COL6A3: variants seen among roughly 807,000 people sequenced by gnomAD.
The protein encoded by COL6A3 is collagen type VI alpha 3 chain.
In COL6A3, 137 loss-of-function variants were observed where a neutral mutation model predicts 274.1. The observed-to-expected ratio is 0.50, with a 90% CI of 0.44 to 0.58. The LOEUF is 0.58. COL6A3 is among the 20% of genes least tolerant of loss of function. The probability of loss-of-function intolerance (pLI) is 0.00; values close to 1 mark genes in which losing one functional copy is unlikely to be tolerated. For missense variants in COL6A3, 3,950 were observed against 4,124.9 expected (o/e 0.96, Z 1.16); for synonymous variants, 1,650 against 1,650.6 (o/e 1.00, Z 0.01).
intron 20 of COL6A3, among the ~76,000 whole-genome samples, 164 bp downstream of exon 20, chr2:237,358,871 G>A (rs1436533121): frequency 6.6e-6 from 1 of 152,210 alleles, no homozygotes; most frequent in Non-Finnish European, 1.5e-5. Flanking sequence ...GTACTGTAAT[G>A]TGTCAGAGCT....
intron 38 of COL6A3, among the ~76,000 whole-genome samples, chr2:237,339,343 G>A (rs981005679): frequency 6.6e-6 from 1 of 152,178 alleles, no homozygotes; most frequent in Non-Finnish European, 1.5e-5. Context: ...GGCAATATTT[G>A]GGTGATTAAG....
chr2:237,349,028 A>G (rs2077152755), intron 28 of COL6A3, among the ~76,000 whole-genome samples: 1 of 152,140 alleles, frequency 6.6e-6, no homozygotes, highest in African/African-American at 2.4e-5. Context: ...ATGCATCCGT[A>G]AGTCTTTGAT....
intron 1 of COL6A3, among the ~76,000 whole-genome samples, chr2:237,411,679 G>C (rs373723899): frequency 1.1e-4 from 17 of 152,232 alleles, no homozygotes; most frequent in African/African-American, 4.1e-4. Context: ...TGATGATAAA[G>C]TCAGTGCAAT....
At chr2:237,410,725 G>A (rs1000527515) in intron 1 of COL6A3, among the ~76,000 whole-genome samples, 14 of 152,162 alleles carry the variant, frequency 9.2e-5, no homozygotes, top group African/African-American at 3.4e-4. Flanking sequence ...CAGGACCTGT[G>A]GAATACTCCC....
chr2:237,363,644 T>G (rs891405195), intron 13 of COL6A3, among the ~76,000 whole-genome samples: 1 of 152,248 alleles, frequency 6.6e-6, no homozygotes, highest in African/African-American at 2.4e-5. Context: ...GTGGCATCCA[T>G]GAAGTGTATT....
At chr2:237,333,261 A>G in intron 42 of COL6A3, 189 bp downstream of exon 42, 1 of 644,150 alleles carries the variant, frequency 1.6e-6, no homozygotes, top group African/African-American at 1.8e-5. Flanking sequence ...GATCACAGGT[A>G]AAGTAAGACT....
intron 42 of COL6A3, among the ~76,000 whole-genome samples, chr2:237,330,778 C>T (rs1265990952): frequency 6.6e-6 from 1 of 152,174 alleles, no homozygotes; most frequent in Non-Finnish European, 1.5e-5. Flanking sequence ...TCAAAATGGG[C>T]AAACATTAAC....
chr2:237,354,088 T>C (rs1453207687), intron 24 of COL6A3, among the ~76,000 whole-genome samples: 1 of 151,608 alleles, frequency 6.6e-6, no homozygotes, highest in Non-Finnish European at 1.5e-5. Context: ...CTTGGCTCAC[T>C]GCAACCTCTG....
chr2:237,376,093 T>C (rs1390650932), intron 7 of COL6A3, among the ~76,000 whole-genome samples: 3 of 152,138 alleles, frequency 2.0e-5, no homozygotes, highest in Non-Finnish European at 2.9e-5. Flanking sequence ...AGTGGGTTAA[T>C]GGGAGGAAAC....
Position 237,324,575 on chromosome 2 carries a change from C to T in COL6A3, c.*199G>A. ...AGTATTCGAGAGAACTGCCTGGAGACAGAGAGCGAGGGTCCACAGACACAT... is the reference window on the plus strand; with the variant it reads ...AGTATTCGAGAGAACTGCCTGGAGATAGAGAGCGAGGGTCCACAGACACAT... On this transcript the variant is annotated 3_prime_UTR_variant, in exon 44 of 44. Coordinates refer to ENST00000295550, the MANE Select transcript of COL6A3 (RefSeq NM_004369.4). The T allele has an allele frequency of 1.7e-6, 1 of 591,828 alleles. No individual in the cohort carries two copies. Among genetic ancestry groups the T allele is most frequent in the Non-Finnish European group, 3.1e-6 (1 of 325,182 alleles). The allele number at this position is 591,828 out of a possible 1,614,324, so 36.7% of individuals were successfully genotyped here. A position where few individuals can be genotyped will look rare whatever the true frequency, so the allele number is the denominator to read the frequency against.
chr2:237,330,193 A>G (rs1468519635), intron 42 of COL6A3: 3 of 152,220 alleles, frequency 2.0e-5, no homozygotes, highest in African/African-American at 2.4e-5. Flanking sequence ...GAAAATATCT[A>G]TCCAAAGCTT....
chr2:237,352,558 T>G lies in COL6A3; in HGVS notation c.6717A>C (p.Pro2239=). The change falls in exon 26 of 44, where the codon CCA becomes CCC. Residue 2239 remains proline, a synonymous_variant. Transcript: ENST00000295550. ...AQGPAGPAGP[P]GLIGEQGISG... is the part of the protein sequence containing the mutation. ...AAATGCCTTGTTCTCCTATCAGCCC[T>G]GGAGGACCAGCAGGACCAGCTGGGC... 6.2e-7 allele frequency: 1 copy of G among 1,613,574 alleles called. No individual in the cohort carries two copies. The highest frequency in any genetic ancestry group is 1.1e-5 in the South Asian group (1 of 90,832).
At position 237,361,008 on chromosome 2, in the gene COL6A3, C is replaced by A; in HGVS notation, c.6210+113G>T. ...AGAAAAGTATAAATTAATTTTTCTC[C>A]CAAAGGGAAAGCCATCAGCAACTGA... On this transcript the variant is annotated intron_variant, in intron 16 of 43. Transcript: ENST00000295550. The surrounding 1 kb of genome is among the most constrained non-coding windows in gnomAD (Gnocchi z 5.1). 2 of 911,180 alleles carry A rather than the reference C, an allele frequency of 2.2e-6. No homozygotes were observed. 56.4% of individuals were successfully genotyped at this position (911,180 alleles called of 1,614,324 possible).
chr2:237,389,199 G>A (rs1410964370), intron 3 of COL6A3, among the ~76,000 whole-genome samples: 2 of 152,166 alleles, frequency 1.3e-5, no homozygotes, highest in Non-Finnish European at 1.5e-5. Context: ...GGGTTATATA[G>A]CAGCCCTGAG....
In COL6A3 at chr2:237,325,723, A is replaced by G; in HGVS notation, c.9330T>C (p.Asp3110=). ...CTTCGTCTTTCGGCAACTTGCATAT[A>G]TCTTTAATAAAAACATGAGAAAAGG... is the stretch of plus-strand genomic sequence containing the variant. ...STEPLALTET[D]ICKLPKDEGT... is the part of the protein sequence containing the mutation. The change falls in exon 43 of 44, where the codon GAT becomes GAC. Residue 3110 remains aspartate, a splice_region_variant and synonymous_variant. Transcript: ENST00000295550. 6.2e-7 allele frequency: 1 copy of G among 1,613,036 alleles called. No individual in the cohort carries two copies. The highest frequency in any genetic ancestry group is 8.5e-7 in the Non-Finnish European group (1 of 1,179,522).
At chr2:237,391,635 C>G (rs567508473) in intron 3 of COL6A3, among the ~76,000 whole-genome samples, 1 of 152,068 alleles carries the variant, frequency 6.6e-6, no homozygotes, top group Non-Finnish European at 1.5e-5. Context: ...TGGATTCAAG[C>G]GATTCTCCTG....
At chr2:237,334,597 G>GTA (rs1315344062) in intron 41 of COL6A3, 29 bp downstream of exon 41, 1 of 1,610,946 alleles carries the variant, frequency 6.2e-7, no homozygotes, top group Non-Finnish European at 8.5e-7. Flanking sequence ...TAGAAATCAG[G>GTA]TACCGACTTG....
In COL6A3 at chr2:237,366,782, A is replaced by C; in HGVS notation, c.5405T>G (p.Val1802Gly). The change falls in exon 11 of 44, where the codon GTC becomes GGC. Residue 1802 changes from valine (V) to glycine (G), a missense_variant. Physicochemically the swap from Val to Gly is moderately radical, Grantham distance 109. Transcript: ENST00000295550. ...CTCGCTCAGTTCGGACAGCTCCTGG[A>C]CGTTGCCCACGCGGAACGCTGTGGC... ...NSATAFRVGN[V>G]QELSELSEQV... 6.2e-7 allele frequency: 1 copy of C among 1,614,250 alleles called. No individual in the cohort carries two copies. The highest frequency in any genetic ancestry group is 1.1e-5 in the South Asian group (1 of 91,082).
intron 28 of COL6A3, among the ~76,000 whole-genome samples, chr2:237,349,662 T>G (rs1018398237): frequency 3.9e-5 from 6 of 152,354 alleles, no homozygotes; most frequent in South Asian, 4.1e-4. Context: ...GGTGAGTTTT[T>G]GGGGCATTTT....
Sources: allele counts gnomAD v4.1 joint callset (sites outside exome capture counted in the v4.1 genomes callset), GRCh38; gene constraint gnomAD v4.1.1; non-coding constraint Gnocchi (gnomAD v3.1); transcripts MANE v1.5; gene names NCBI Gene and HGNC (gene_info 2026-07-23, HGNC 2026-07-21).